The following CPM variants were observed in gnomAD, a reference collection of about 807,000 sequenced individuals.
CPM encodes renal carboxypeptidase.
In CPM, 35 loss-of-function variants were observed where a neutral mutation model predicts 46.4. The observed-to-expected ratio is 0.75, with a 90% confidence interval of 0.58 to 1.00. The LOEUF is 1.00. CPM is among the 50% of genes least tolerant of loss of function. The pLI, the probability that CPM is intolerant of heterozygous loss-of-function variation, is 0.00. For synonymous variants in CPM, 195 were observed against 195.3 expected (o/e 1.00, Z 0.01); for missense variants, 422 against 530.4 (o/e 0.80, Z 2.01).
intron 2 of CPM, among the ~76,000 whole-genome samples, chr12:68,906,055 T>C (rs1308841027): frequency 6.6e-6 from 1 of 152,232 alleles, no homozygotes; most frequent in African/African-American, 2.4e-5. Flanking sequence ...CGCTTCAAGA[T>C]GGTGTTACCC....
chr12:68,953,067 G>A (rs949699019), intron 1 of CPM, among the ~76,000 whole-genome samples: 1 of 152,148 alleles, frequency 6.6e-6, no homozygotes, highest in Non-Finnish European at 1.5e-5. Flanking sequence ...GGCCAGGAAG[G>A]CAGGTACTGG....
chr12:68,943,405 C>T (rs1372884926), intron 1 of CPM, among the ~76,000 whole-genome samples: 1 of 152,080 alleles, frequency 6.6e-6, no homozygotes, highest in East Asian at 1.9e-4. Context: ...TTATTATTAC[C>T]ATCTAGTGAA....
At chr12:68,921,498 T>C (rs1027575807) in intron 2 of CPM, among the ~76,000 whole-genome samples, 1 of 152,126 alleles carries the variant, frequency 6.6e-6, no homozygotes, top group African/African-American at 2.4e-5. Flanking sequence ...CTCCTATAAT[T>C]ACTCTTTTCT....
intron 1 of CPM, among the ~76,000 whole-genome samples, chr12:68,956,528 T>C (rs527756162): frequency 5.9e-5 from 9 of 152,340 alleles, no homozygotes; most frequent in Non-Finnish European, 2.9e-5. Flanking sequence ...AGCACTTGGA[T>C]TCAAACCTAG....
intron 4 of CPM, 76 bp from the exon 5 acceptor site, chr12:68,870,475 G>A: frequency 1.5e-6 from 2 of 1,337,444 alleles, no homozygotes; most frequent in Admixed American, 2.0e-5. Context: ...TTGCCCTTTG[G>A]TTTAGGCTCC....
chr12:68,875,073 G>A (rs965463012), intron 3 of CPM, among the ~76,000 whole-genome samples: 4 of 152,130 alleles, frequency 2.6e-5, no homozygotes, highest in South Asian at 2.1e-4. Flanking sequence ...AGTTGAGGCC[G>A]GGCACGGTGG....
At chr12:68,875,312 T>C (rs1307964587) in intron 3 of CPM, among the ~76,000 whole-genome samples, 7 of 148,916 alleles carry the variant, frequency 4.7e-5, no homozygotes, top group Non-Finnish European at 1.5e-5. Context: ...GATTGTGCCA[T>C]TGCACTCCAT....
intron 2 of CPM, among the ~76,000 whole-genome samples, chr12:68,893,722 T>G (rs576850019): frequency 6.6e-6 from 1 of 152,306 alleles, no homozygotes; most frequent in East Asian, 1.9e-4. Context: ...TAGGCAGGCA[T>G]TTGACTCCAA....
Position 68,933,061 on chromosome 12 carries a change from T to G in CPM, c.-4+81A>C, listed in dbSNP as rs1565805087. 12 of 457,868 alleles carry G rather than the reference T, an allele frequency of 2.6e-5. No homozygotes were observed. In the East Asian group the frequency reaches 4.7e-4, roughly 18 times the overall value. 28.4% of individuals were successfully genotyped at this position (457,868 alleles called of 1,614,324 possible). Reference sequence around the variant, plus strand: ...TGCCCTCGACCCAGCCGCCCGCGCCTCCCTCTCCTCCTCCTCCTGGCGCCT... The same window carrying G: ...TGCCCTCGACCCAGCCGCCCGCGCCGCCCTCTCCTCCTCCTCCTGGCGCCT... On this transcript the variant is annotated intron_variant, in intron 1 of 8. Coordinates refer to ENST00000551568, the MANE Select transcript of CPM (RefSeq NM_198320.5).
At chr12:68,859,902 G>A (rs1008779579) in intron 7 of CPM, among the ~76,000 whole-genome samples, 8 of 151,982 alleles carry the variant, frequency 5.3e-5, no homozygotes, top group African/African-American at 9.7e-5. Context: ...TTACTCCAGC[G>A]TCAAATCATA....
chr12:68,963,283 TG>T, upstream of CPM: 1 of 189,714 alleles, frequency 5.3e-6, no homozygotes, highest in Non-Finnish European at 1.0e-5. Context: ...CAGGCCTTGC[TG>T]GGTTTCCTCA....
At chr12:68,901,170 T>C (rs985592260) in intron 2 of CPM, among the ~76,000 whole-genome samples, 1 of 152,138 alleles carries the variant, frequency 6.6e-6, no homozygotes, top group African/African-American at 2.4e-5. Flanking sequence ...TTGTATTGAC[T>C]TTGCCACAGT....
chr12:68,930,520 TGA>T (rs1326784194), intron 2 of CPM, among the ~76,000 whole-genome samples: 1 of 152,226 alleles, frequency 6.6e-6, no homozygotes, highest in Non-Finnish European at 1.5e-5. Flanking sequence ...CTTTGGCAAC[TGA>T]CTCCCAGTTA....
At chr12:68,879,663 C>T (rs558658404) in intron 3 of CPM, among the ~76,000 whole-genome samples, 1 of 152,184 alleles carries the variant, frequency 6.6e-6, no homozygotes, top group African/African-American at 2.4e-5. Context: ...CCATGCCTGG[C>T]CTGGGCACCC....
rs192121899 is a variant in CPM, at chr12:68,909,942, A to G, written c.160+22736T>C. Among the ~76,000 whole-genome samples, 13 of 152,134 alleles carry G rather than the reference A, an allele frequency of 8.5e-5. No homozygotes were observed. The East Asian group carries it at 2.3e-3, about 27-fold the overall frequency. On this transcript the variant is annotated intron_variant, in intron 2 of 8. Coordinates refer to ENST00000551568, the MANE Select transcript of CPM (RefSeq NM_198320.5). ...ATGGCACATGTATACCTATGTAACA[A>G]ACCTGCACATTCTGCACATGTAACC...
At chr12:68,917,042 A>G (rs1347134076) in intron 2 of CPM, among the ~76,000 whole-genome samples, 1 of 152,168 alleles carries the variant, frequency 6.6e-6, no homozygotes, top group East Asian at 1.9e-4. Flanking sequence ...CCGTGGATGA[A>G]GCAAAACGTG....
rs940875276 is a variant in CPM, at chr12:68,917,857, G to T, written c.160+14821C>A. Among the ~76,000 whole-genome samples, 5 of 152,136 alleles carry T rather than the reference G, an allele frequency of 3.3e-5. No individual in the cohort carries two copies. In the East Asian group the frequency reaches 9.6e-4, roughly 29 times the overall value. On this transcript the variant is annotated intron_variant, in intron 2 of 8. Coordinates refer to ENST00000551568, the MANE Select transcript of CPM (RefSeq NM_198320.5). The stretch of plus-strand genomic sequence containing the variant: ...CTTGAGTGGGCTTTCCTGGGTGGAG[G>T]CGTTTTGCATATGTCTCTGCAGTTT...
At chr12:68,877,080 C>A (rs1885991505) in intron 3 of CPM, among the ~76,000 whole-genome samples, 1 of 152,150 alleles carries the variant, frequency 6.6e-6, no homozygotes, top group African/African-American at 2.4e-5. Context: ...ACCTGCCTAG[C>A]TAATCCTTCT....
chr12:68,932,553 G>C, intron 2 of CPM, 125 bp downstream of exon 2: 1 of 1,114,796 alleles, frequency 9.0e-7, no homozygotes, highest in Non-Finnish European at 1.3e-6. Context: ...CACGGTACCG[G>C]TTGACTTGTT....
Sources: allele counts gnomAD v4.1 joint callset (sites outside exome capture counted in the v4.1 genomes callset), GRCh38; gene constraint gnomAD v4.1.1; transcripts MANE v1.5; gene names NCBI Gene and HGNC (gene_info 2026-07-23, HGNC 2026-07-21).